Variants in NRXN1 observed in about 807,000 individuals in gnomAD.
NRXN1 encodes the protein neurexin-1.
In NRXN1, 39 loss-of-function variants were observed where a neutral mutation model predicts 150.9. The observed-to-expected ratio is 0.26, with a 90% CI of 0.20 to 0.34. NRXN1 has a LOEUF of 0.34. NRXN1 is among the 10% of genes least tolerant of loss of function. The probability of loss-of-function intolerance (pLI) is 1.00; values close to 1 mark genes in which losing one functional copy is unlikely to be tolerated. For synonymous variants in NRXN1, 924 were observed against 757.0 expected (o/e 1.22, Z -3.62); for missense variants, 1,815 against 1,949.9 (o/e 0.93, Z 1.30).
chr2:50,645,119 T>G (rs951404381), intron 5 of NRXN1, among the ~76,000 whole-genome samples: 5 of 151,898 alleles, frequency 3.3e-5, no homozygotes, highest in African/African-American at 1.2e-4. Context: ...TTTCAGAGTA[T>G]TTCCTGCTTC....
At position 50,400,219 on chromosome 2, in the gene NRXN1, G is replaced by A. The variant is rs553193699; in HGVS notation, c.3364+65223C>T. Among the ~76,000 whole-genome samples the A allele has an allele frequency of 2.0e-5, 3 of 152,152 alleles. No homozygotes were observed. The South Asian group carries it at 6.2e-4, about 32-fold the overall frequency. ...AATCACAAATGAAGGAAGCGATGTC[G>A]AGTTTCCTTTATACTGACATATTTC... On this transcript the variant is annotated intron_variant, in intron 17 of 22. Transcript: ENST00000401669.
intron 17 of NRXN1, among the ~76,000 whole-genome samples, chr2:50,301,313 A>G (rs1190256748): frequency 6.6e-6 from 1 of 152,140 alleles, no homozygotes; most frequent in African/African-American, 2.4e-5. Context: ...AAAACATAAC[A>G]TTATTATTTG....
chr2:50,621,065 A>G (rs1679926818), intron 7 of NRXN1, 161 bp downstream of exon 7: 3 of 575,518 alleles, frequency 5.2e-6, no homozygotes, highest in Non-Finnish European at 9.1e-6. Context: ...GAAGGTCAAC[A>G]ACAGATGAAA....
At chr2:50,433,847 A>G (rs4971675) in intron 17 of NRXN1, among the ~76,000 whole-genome samples, 78,742 of 151,720 alleles carry the variant, frequency 0.52, 22,947 homozygotes, top group East Asian at 0.92. Context: ...TACTGAGACA[A>G]CTTCAGAAAT....
At chr2:50,960,781 T>A (rs1024068530) in intron 2 of NRXN1, among the ~76,000 whole-genome samples, 3 of 151,912 alleles carry the variant, frequency 2.0e-5, no homozygotes, top group African/African-American at 7.2e-5. Flanking sequence ...GCAGACAAGA[T>A]GTAAACGTTT....
intron 5 of NRXN1, among the ~76,000 whole-genome samples, chr2:50,678,548 A>G (rs1470553763): frequency 1.3e-5 from 2 of 152,180 alleles, no homozygotes; most frequent in Non-Finnish European, 2.9e-5. Flanking sequence ...ATCACTGACC[A>G]GCATTGGAAA....
At chr2:50,591,689 G>A (rs561192549) in intron 8 of NRXN1, among the ~76,000 whole-genome samples, 19 of 152,220 alleles carry the variant, frequency 1.2e-4, no homozygotes, top group African/African-American at 3.1e-4. Flanking sequence ...TGACGACAGC[G>A]AGGCCTCTGT....
intron 3 of NRXN1, among the ~76,000 whole-genome samples, chr2:50,925,433 T>C (rs959017874): frequency 2.0e-5 from 3 of 151,890 alleles, no homozygotes; most frequent in African/African-American, 7.2e-5. Flanking sequence ...CAATGGCTTA[T>C]TTTTTAATCT....
chr2:50,353,246 A>G (rs1237455445), intron 17 of NRXN1, among the ~76,000 whole-genome samples: 1 of 152,164 alleles, frequency 6.6e-6, no homozygotes, highest in Admixed American at 6.6e-5. Flanking sequence ...GTGCTTAAGT[A>G]CCAAGTCAGG....
At chr2:51,013,796 C>A (rs148704658) in intron 2 of NRXN1, among the ~76,000 whole-genome samples, 1 of 152,110 alleles carries the variant, frequency 6.6e-6, no homozygotes, top group East Asian at 1.9e-4. Flanking sequence ...TCGGCCTAAA[C>A]CAGCACAATT....
chr2:50,339,007 A>T (rs1336825572), intron 17 of NRXN1, among the ~76,000 whole-genome samples: 1 of 152,208 alleles, frequency 6.6e-6, no homozygotes, highest in Non-Finnish European at 1.5e-5. Context: ...CTAGAAAAAT[A>T]TGCCATGATG....
chr2:50,494,492 G>GT (rs1481849009), intron 15 of NRXN1, among the ~76,000 whole-genome samples: 1 of 152,158 alleles, frequency 6.6e-6, no homozygotes, highest in African/African-American at 2.4e-5. Flanking sequence ...GGTTTGGCCT[G>GT]TAAGAAGCAG....
intron 5 of NRXN1, among the ~76,000 whole-genome samples, chr2:50,630,291 T>A (rs1052611704): frequency 1.3e-5 from 2 of 151,712 alleles, no homozygotes; most frequent in Admixed American, 6.6e-5. Flanking sequence ...GATGGTAGAT[T>A]GAACAAATGG....
intron 8 of NRXN1, among the ~76,000 whole-genome samples, chr2:50,558,223 A>G (rs368395838): frequency 1.6e-4 from 24 of 152,332 alleles, no homozygotes; most frequent in African/African-American, 5.5e-4. Context: ...AATAGGTAAC[A>G]TTATTCTACT....
chr2:51,026,034 T>G (rs1488755678), intron 2 of NRXN1, among the ~76,000 whole-genome samples: 1 of 152,192 alleles, frequency 6.6e-6, no homozygotes, highest in Middle Eastern at 3.2e-3. Context: ...TAACTCTCCT[T>G]GCTGTTTAAA....
At chr2:50,474,447 T>C (rs905760596) in intron 15 of NRXN1, among the ~76,000 whole-genome samples, 2 of 151,602 alleles carry the variant, frequency 1.3e-5, no homozygotes, top group Non-Finnish European at 2.9e-5. Context: ...GGTGCTGATT[T>C]CTAATTTAAG....
At chr2:50,047,356 A>G (rs574137069) in intron 21 of NRXN1, among the ~76,000 whole-genome samples, 2 of 151,818 alleles carry the variant, frequency 1.3e-5, no homozygotes, top group Non-Finnish European at 2.9e-5. Context: ...ACACATATAT[A>G]TATGTTCTGC....
intron 17 of NRXN1, among the ~76,000 whole-genome samples, chr2:50,268,504 G>A (rs967665250): frequency 4.6e-5 from 7 of 152,080 alleles, no homozygotes; most frequent in African/African-American, 1.4e-4. Flanking sequence ...TAGCTGGGGA[G>A]TTCAGAGTAT....
intron 5 of NRXN1, among the ~76,000 whole-genome samples, chr2:50,691,107 A>C (rs1490434668): frequency 6.6e-6 from 1 of 152,210 alleles, no homozygotes; most frequent in African/African-American, 2.4e-5. Flanking sequence ...TCAAATGACC[A>C]TAATTTCTTT....
Sources: allele counts gnomAD v4.1 joint callset (sites outside exome capture counted in the v4.1 genomes callset), GRCh38; gene constraint gnomAD v4.1.1; transcripts MANE v1.5; gene names NCBI Gene and HGNC (gene_info 2026-07-23, HGNC 2026-07-21).